Variants in WFDC2 observed in about 807,000 individuals in gnomAD.
WFDC2 encodes the protein WAP four-disulfide core domain protein 2.
In WFDC2, 8 loss-of-function variants were observed where a neutral mutation model predicts 12.5. That is an observed-to-expected ratio of 0.64 (90% CI 0.37 to 1.15). The LOEUF (loss-of-function observed/expected upper bound fraction) is 1.15, where lower values mean the gene tolerates loss of function less well. Ranked by LOEUF, WFDC2 falls within the 50% of genes most tolerant of loss-of-function variation. WFDC2 has a pLI of 0.01. For synonymous variants in WFDC2, 74 were observed against 67.2 expected (o/e 1.10, Z -0.49); for missense variants, 166 against 159.9 (o/e 1.04, Z -0.21).
intron 2 of WFDC2, among the ~76,000 whole-genome samples, chr20:45,474,011 A>AT (rs904942995): frequency 3.3e-5 from 5 of 152,126 alleles, no homozygotes; most frequent in African/African-American, 9.7e-5. Context: ...AATACTTGTG[A>AT]TTTTTGTACA....
rs191753234 is a variant in WFDC2 at position 45,474,139 on chromosome 20, C to T, written c.223+3607C>T. 2.9e-4 allele frequency among the ~76,000 whole-genome samples: 44 copies of T among 152,298 alleles called. No homozygotes were observed. The East Asian group carries it at 5.8e-3, about 20-fold the overall frequency. ...TCATCTGCAAACAGGGACAATTTGA[C>T]TTCCTCTTTTCCTAATTGAATACCC... On this transcript the variant is annotated intron_variant, in intron 2 of 3. Coordinates refer to ENST00000372676, the MANE Select transcript of WFDC2 (RefSeq NM_006103.4).
chr20:45,479,253 G>A (rs1263644019), intron 2 of WFDC2, among the ~76,000 whole-genome samples: 4 of 152,230 alleles, frequency 2.6e-5, no homozygotes, highest in Non-Finnish European at 2.9e-5. Flanking sequence ...CCCCTCACAT[G>A]TGTACTGTAC....
intron 2 of WFDC2, among the ~76,000 whole-genome samples, chr20:45,476,464 G>C (rs1222191914): frequency 6.6e-6 from 1 of 152,140 alleles, no homozygotes; most frequent in Non-Finnish European, 1.5e-5. Context: ...TGAAATTCTG[G>C]GTTGAAAATT....
chr20:45,477,926 C>T (rs1264400322), intron 2 of WFDC2, among the ~76,000 whole-genome samples: 1 of 152,218 alleles, frequency 6.6e-6, no homozygotes, highest in Non-Finnish European at 1.5e-5. Flanking sequence ...GGGCTCTGCC[C>T]AGTTTGAACT....
At chr20:45,471,206 T>A (rs1410643500) in intron 2 of WFDC2, 1 of 469,572 alleles carries the variant, frequency 2.1e-6, no homozygotes, top group Non-Finnish European at 4.4e-6. Context: ...GGACACTGTA[T>A]CGCCCTTCGT....
In WFDC2 at chr20:45,470,427, C is replaced by T; in HGVS notation, c.118C>T (p.Gln40Ter). The part of the protein sequence containing the change: ...AEKTGVCPEL[Q>*]ADQNCTQECV... Reference sequence around the variant, plus strand: ...GAAGACTGGCGTGTGCCCCGAGCTCCAGGCTGACCAGAACTGCACGCAAGA... The same window carrying T: ...GAAGACTGGCGTGTGCCCCGAGCTCTAGGCTGACCAGAACTGCACGCAAGA... Residue 40 changes from glutamine to a stop codon, truncating the protein, a stop_gained, in exon 2 of 4, where the codon CAG becomes TAG. Coordinates refer to ENST00000372676, the MANE Select transcript of WFDC2 (RefSeq NM_006103.4). LOFTEE classifies it high-confidence loss of function. The surrounding 1 kb of genome is among the most constrained non-coding windows in gnomAD (Gnocchi z 5.4). 1 of 1,592,640 alleles carries T rather than the reference C, an allele frequency of 6.3e-7. No individual in the cohort carries two copies. The highest frequency in any genetic ancestry group is 8.6e-7 in the Non-Finnish European group (1 of 1,168,728).
At chr20:45,476,528 G>A (rs1242099541) in intron 2 of WFDC2, among the ~76,000 whole-genome samples, 2 of 152,212 alleles carry the variant, frequency 1.3e-5, no homozygotes, top group Non-Finnish European at 2.9e-5. Flanking sequence ...CAGGGTTTCT[G>A]CAGAGAGATC....
chr20:45,470,327 TG>T lies in WFDC2; in HGVS notation c.80-59del, dbSNP rs1991150757. 1 of 1,518,968 alleles carries T rather than the reference TG, an allele frequency of 6.6e-7. No homozygotes were observed. The highest frequency in any genetic ancestry group is 1.4e-5 in the African/African-American group (1 of 72,268). The allele number at this position is 1,518,968 out of a possible 1,614,324, so 94.1% of individuals were successfully genotyped here. A position where few individuals can be genotyped will look rare whatever the true frequency, so the allele number is the denominator to read the frequency against. ...TGGGGTTAAGGTTTGGAGCAGGAGG[TG>T]GGCATCCTCTGGGGCTGGCGCTACG... On this transcript the variant is annotated intron_variant, in intron 1 of 3. Transcript: ENST00000372676. The surrounding 1 kb of genome is among the most constrained non-coding windows in gnomAD (Gnocchi z 5.4).
intron 2 of WFDC2, among the ~76,000 whole-genome samples, chr20:45,475,802 C>T (rs1336118262): frequency 4.6e-5 from 7 of 152,160 alleles, no homozygotes; most frequent in African/African-American, 4.8e-5. Context: ...ATTATTATGT[C>T]GGAGTCTAAG....
chr20:45,473,657 G>A (rs1320994263), intron 2 of WFDC2, among the ~76,000 whole-genome samples: 1 of 152,120 alleles, frequency 6.6e-6, no homozygotes, highest in Non-Finnish European at 1.5e-5. Context: ...GATTGTCTTG[G>A]CTATGTGGGC....
intron 2 of WFDC2, among the ~76,000 whole-genome samples, chr20:45,473,981 G>A (rs936611194): frequency 1.3e-5 from 2 of 152,044 alleles, no homozygotes; most frequent in Admixed American, 6.6e-5. Flanking sequence ...TTGGCTCTCT[G>A]TCTATTATTG....
In WFDC2 at chr20:45,470,994, G is replaced by A. The variant is rs1019681343; in HGVS notation, c.223+462G>A. Among the ~76,000 whole-genome samples, 3 of 152,210 alleles carry A rather than the reference G, an allele frequency of 2.0e-5. No individual in the cohort carries two copies. Reference sequence around the variant, plus strand: ...TGGCAAGATTTTCCCCAATTCCTCTGTCCAGGCGGAAAGGAACTTTACAGA... The same window carrying A: ...TGGCAAGATTTTCCCCAATTCCTCTATCCAGGCGGAAAGGAACTTTACAGA... On this transcript the variant is annotated intron_variant, in intron 2 of 3. Transcript: ENST00000372676. This position sits in a 1 kb window ranked among gnomAD's most constrained non-coding sequence, Gnocchi z 5.4.
intron 2 of WFDC2, among the ~76,000 whole-genome samples, chr20:45,474,981 A>T (rs1991215456): frequency 6.6e-6 from 1 of 152,156 alleles, no homozygotes; most frequent in African/African-American, 2.4e-5. Flanking sequence ...TGTTTATAGT[A>T]TTCTCTGATG....
intron 2 of WFDC2, among the ~76,000 whole-genome samples, chr20:45,475,811 A>T (rs1240137673): frequency 6.6e-6 from 1 of 152,190 alleles, no homozygotes; most frequent in East Asian, 1.9e-4. Context: ...TCGGAGTCTA[A>T]GTCTCTTTGT....
At chr20:45,476,804 A>T (rs986484423) in intron 2 of WFDC2, among the ~76,000 whole-genome samples, 2 of 152,196 alleles carry the variant, frequency 1.3e-5, no homozygotes, top group African/African-American at 4.8e-5. Flanking sequence ...ACTTTCAGGT[A>T]CATCAATCAA....
chr20:45,471,958 G>A (rs2032504380), intron 2 of WFDC2, among the ~76,000 whole-genome samples: 1 of 152,120 alleles, frequency 6.6e-6, no homozygotes, highest in Admixed American at 6.5e-5. Flanking sequence ...TGCATCTAAA[G>A]TGTCTATTAG....
intron 2 of WFDC2, chr20:45,471,137 A>G (rs1991166744): frequency 2.1e-6 from 1 of 471,234 alleles, no homozygotes; most frequent in African/African-American, 2.0e-5. Context: ...GTGAGGGTTC[A>G]GCTTTTGCCT....
At chr20:45,474,059 C>G (rs552956984) in intron 2 of WFDC2, among the ~76,000 whole-genome samples, 2 of 152,310 alleles carry the variant, frequency 1.3e-5, no homozygotes, top group East Asian at 3.9e-4. Flanking sequence ...AGTTTCTTAT[C>G]AGCTTAAGGA....
chr20:45,476,671 G>C (rs745643832), intron 2 of WFDC2, among the ~76,000 whole-genome samples: 8 of 152,162 alleles, frequency 5.3e-5, no homozygotes, highest in Non-Finnish European at 8.8e-5. Flanking sequence ...TTCTCAAGGA[G>C]TATCTTTGAG....
Sources: gnomAD v4.1 joint callset for allele counts (sites outside exome capture counted in the v4.1 genomes callset) on GRCh38, gnomAD v4.1.1 for gene constraint, Gnocchi (gnomAD v3.1) non-coding constraint, MANE v1.5 for transcripts, NCBI Gene and HGNC (gene_info 2026-07-23, HGNC 2026-07-21) for gene names.